The following MSRA variants were observed in gnomAD, a reference collection of about 807,000 sequenced individuals.
MSRA encodes the protein mitochondrial peptide methionine sulfoxide reductase.
Under a neutral mutation model 31.3 loss-of-function variants are expected in MSRA, and 54 were observed. The observed-to-expected ratio is 1.73, with a 90% CI of 1.39 to 2.17. The LOEUF is 2.17. MSRA is among the 30% of genes most tolerant of loss of function. The probability of loss-of-function intolerance (pLI) is 0.00; values close to 1 mark genes in which losing one functional copy is unlikely to be tolerated. For synonymous variants in MSRA, 169 were observed against 116.5 expected (o/e 1.45, Z -2.90); for missense variants, 507 against 300.9 (o/e 1.69, Z -5.07).
chr8:10,249,114 C>T (rs568246337), intron 3 of MSRA, among the ~76,000 whole-genome samples: 1 of 152,156 alleles, frequency 6.6e-6, no homozygotes, highest in Non-Finnish European at 1.5e-5. Context: ...GCCTGATACC[C>T]TGGCACTTTT....
chr8:10,369,990 A>G (rs186379225), intron 5 of MSRA, among the ~76,000 whole-genome samples: 2 of 152,330 alleles, frequency 1.3e-5, no homozygotes, highest in African/African-American at 4.8e-5. Flanking sequence ...CTTGGCATGC[A>G]TGTTCTGTTC....
At chr8:10,116,183 G>T (rs116908443) in intron 1 of MSRA, among the ~76,000 whole-genome samples, 1 of 152,164 alleles carries the variant, frequency 6.6e-6, no homozygotes, top group African/African-American at 2.4e-5. Context: ...TGTCCAACCC[G>T]TGGGCCACAT....
intron 2 of MSRA, among the ~76,000 whole-genome samples, chr8:10,221,061 G>A (rs1810450209): frequency 6.6e-6 from 1 of 152,196 alleles, no homozygotes. Context: ...ATATGCAGTG[G>A]GATGGCCACA....
At chr8:10,157,710 A>C (rs987324116) in intron 1 of MSRA, among the ~76,000 whole-genome samples, 6 of 152,098 alleles carry the variant, frequency 3.9e-5, no homozygotes, top group Non-Finnish European at 5.9e-5. Context: ...TGTTCAAATC[A>C]GGACCTAAAG....
intron 1 of MSRA, among the ~76,000 whole-genome samples, chr8:10,091,523 A>T (rs7012397): frequency 6.6e-6 from 1 of 151,896 alleles, no homozygotes; most frequent in African/African-American, 2.4e-5. Context: ...GGCAGTGAAC[A>T]TGGGAGTACA....
Position 10,394,545 on chromosome 8 carries a change from G to T in MSRA, c.544-33603G>T, listed in dbSNP as rs2001364. Among the ~76,000 whole-genome samples the T allele has an allele frequency of 3.2e-3, 491 of 152,286 alleles. 10 individuals are homozygous for T. The East Asian group carries it at 0.034, about 11-fold the overall frequency. ...TCTATATCATCTCACTTGATTCCCT[G>T]AGCAGCTCTGTCAGATTGACAGAAT... On this transcript the variant is annotated intron_variant, in intron 5 of 5. Transcript: ENST00000317173.
chr8:10,097,084 C>T (rs778333593), intron 1 of MSRA, among the ~76,000 whole-genome samples: 2 of 151,960 alleles, frequency 1.3e-5, no homozygotes, highest in Non-Finnish European at 2.9e-5. Flanking sequence ...TCCATTATTG[C>T]GCGCCTTAAA....
chr8:10,175,919 G>T (rs528987223), intron 1 of MSRA, among the ~76,000 whole-genome samples: 1 of 152,338 alleles, frequency 6.6e-6, no homozygotes, highest in South Asian at 2.1e-4. Context: ...AGATGTAGCA[G>T]AATGGGATAA....
At position 10,187,710 on chromosome 8, in the gene MSRA, T is replaced by C. The variant is rs538385174; in HGVS notation, c.143-20123T>C. Among the ~76,000 whole-genome samples, 10 of 152,354 alleles carry C rather than the reference T, an allele frequency of 6.6e-5. No individual in the cohort carries two copies. The South Asian group carries it at 2.1e-3, about 32-fold the overall frequency. ...AGGCAATAGTTATTTGCTATTATTG[T>C]TTTTAAATTAATCCTAGAAGGTCCT... On this transcript the variant is annotated intron_variant, in intron 1 of 5. Transcript: ENST00000317173.
intron 5 of MSRA, among the ~76,000 whole-genome samples, chr8:10,354,947 C>G (rs1585565926): frequency 6.6e-6 from 1 of 152,076 alleles, no homozygotes; most frequent in East Asian, 1.9e-4. Flanking sequence ...TGAATCTTTT[C>G]TTGCATCCAT....
chr8:10,325,216 C>T (rs918966920), intron 5 of MSRA, among the ~76,000 whole-genome samples: 29 of 152,096 alleles, frequency 1.9e-4, no homozygotes, highest in African/African-American at 6.3e-4. Flanking sequence ...TTTCTGGCAC[C>T]TCTGATAGAG....
chr8:10,394,302 A>G (rs147375658), intron 5 of MSRA, among the ~76,000 whole-genome samples: 1 of 152,148 alleles, frequency 6.6e-6, no homozygotes, highest in Non-Finnish European at 1.5e-5. Context: ...TGTATTTTCA[A>G]ATACACTGTA....
intron 2 of MSRA, among the ~76,000 whole-genome samples, chr8:10,230,150 C>T (rs1811342781): frequency 6.6e-6 from 1 of 152,152 alleles, no homozygotes; most frequent in African/African-American, 2.4e-5. Flanking sequence ...GGGAGGTGGG[C>T]CCCATGTTCA....
At chr8:10,141,718 CT>C (rs773026493) in intron 1 of MSRA, among the ~76,000 whole-genome samples, 2,519 of 143,908 alleles carry the variant, frequency 0.018, 21 homozygotes, top group African/African-American at 0.031. Context: ...CAAATGCCTG[CT>C]TTTTTTTTTT....
chr8:10,285,699 A>G (rs1218647163), intron 3 of MSRA, among the ~76,000 whole-genome samples: 2 of 151,444 alleles, frequency 1.3e-5, no homozygotes, highest in African/African-American at 4.9e-5. Flanking sequence ...TACTTCTATA[A>G]GATCAACTTT....
intron 5 of MSRA, among the ~76,000 whole-genome samples, chr8:10,422,238 G>T (rs1243846454): frequency 6.6e-6 from 1 of 152,156 alleles, no homozygotes; most frequent in Non-Finnish European, 1.5e-5. Flanking sequence ...ATCAACCATG[G>T]TTGCACCAGT....
chr8:10,057,255 G>T (rs565675475), intron 1 of MSRA, among the ~76,000 whole-genome samples: 39 of 152,270 alleles, frequency 2.6e-4, no homozygotes, highest in African/African-American at 8.4e-4. Context: ...TGGCTGGCTG[G>T]TAGGGCACAC....
At chr8:10,353,471 G>A (rs1304515756) in intron 5 of MSRA, 1 of 347,150 alleles carries the variant, frequency 2.9e-6, no homozygotes, top group Admixed American at 3.2e-5. Context: ...CGTGAGTCCT[G>A]TATTTGGTAC....
chr8:10,063,276 T>C (rs777079246), intron 1 of MSRA, among the ~76,000 whole-genome samples: 1 of 152,238 alleles, frequency 6.6e-6, no homozygotes, highest in Non-Finnish European at 1.5e-5. Flanking sequence ...CATTGGTCTC[T>C]GATCTGTCTT....
Sources: allele counts gnomAD v4.1 joint callset (sites outside exome capture counted in the v4.1 genomes callset), GRCh38; gene constraint gnomAD v4.1.1; transcripts MANE v1.5; gene names NCBI Gene and HGNC (gene_info 2026-07-23, HGNC 2026-07-21).